Variants in PRSS56 observed in about 807,000 individuals in gnomAD.
PRSS56 encodes the protein protease, serine 56.
PRSS56 carries 55 observed loss-of-function variants against 66.8 expected under a neutral mutation model. That is an observed-to-expected ratio of 0.82 (90% CI 0.66 to 1.03). The LOEUF is 1.03. Ranked by LOEUF, PRSS56 falls within the 50% of genes least tolerant of loss-of-function variation. The pLI, the probability that PRSS56 is intolerant of heterozygous loss-of-function variation, is 0.00. For missense variants in PRSS56, 869 were observed against 837.2 expected, an observed-to-expected ratio of 1.04 and a Z score of -0.47; for synonymous variants, 409 against 387.9, an observed-to-expected ratio of 1.05 and a Z score of -0.64.
Position 232,525,473 on chromosome 2 carries a change from C to T in PRSS56, c.1779C>T (p.Leu593=), listed in dbSNP as rs1010464351. 4 of 1,511,794 alleles carry T rather than the reference C, an allele frequency of 2.6e-6. No homozygotes were observed. The highest frequency in any genetic ancestry group is 3.5e-6 in the Non-Finnish European group (4 of 1,130,892). The allele number at this position is 1,511,794 out of a possible 1,614,324, so 93.6% of individuals were successfully genotyped here. Residue 593 remains leucine, a synonymous_variant, in exon 13 of 13, where the codon CTC becomes CTT. Coordinates refer to ENST00000617714, the MANE Select transcript of PRSS56 (RefSeq NM_001195129.2). The part of the protein sequence containing the change: ...PGLERKGHHP[L]NPQVPPARQP ...TGGAGAGGAAGGGGCACCACCCACT[C>T]AACCCTCAGGTACCCCCCGCCAGGC... is the stretch of plus-strand genomic sequence containing the variant.
rs1010571231 is a variant in PRSS56, at chr2:232,521,490, C to T, written c.205+62C>T. The T allele has an allele frequency of 6.9e-5, 90 of 1,295,814 alleles. 1 individual carries two copies. The highest frequency in any genetic ancestry group is 3.1e-5 in the Non-Finnish European group (29 of 928,010). 80.3% of individuals were successfully genotyped at this position (1,295,814 alleles called of 1,614,324 possible). A position where few individuals can be genotyped will look rare whatever the true frequency, so the allele number is the denominator to read the frequency against. ...TGCCTACCCTGGGCCCATTCTGCTG[C>T]CTCTGTCCCTTCCCTTCAGTCTTCA... On this transcript the variant is annotated intron_variant, in intron 2 of 12. Transcript: ENST00000617714.
At chr2:232,525,025 C>T (rs1294737645) in intron 12 of PRSS56, among the ~76,000 whole-genome samples, 181 bp downstream of exon 12, 1 of 124,210 alleles carries the variant, frequency 8.1e-6, no homozygotes, top group Non-Finnish European at 1.6e-5. Flanking sequence ...GAGTGTGAGC[C>T]AGGCCACTGG....
intron 6 of PRSS56, 45 bp downstream of exon 6, chr2:232,522,906 G>A (rs939647699): frequency 9.0e-6 from 13 of 1,450,282 alleles, no homozygotes; most frequent in African/African-American, 4.3e-5. Flanking sequence ...AGAACTGGGG[G>A]TCCGAGGTAA....
intron 2 of PRSS56, 60 bp downstream of exon 2, chr2:232,521,488 T>C: frequency 1.5e-6 from 2 of 1,326,232 alleles, no homozygotes; most frequent in Non-Finnish European, 2.1e-6. Context: ...CCCATTCTGC[T>C]GCCTCTGTCC....
intron 1 of PRSS56, 128 bp from the exon 2 acceptor site, chr2:232,521,192 GC>G (rs1369913256): frequency 7.2e-5 from 49 of 682,784 alleles, no homozygotes; most frequent in Middle Eastern, 3.9e-4. Flanking sequence ...CGTCCCCGGG[GC>G]TCACTTGCCT....
At chr2:232,523,655 C>T in intron 8 of PRSS56, 77 bp downstream of exon 8, 2 of 1,510,538 alleles carry the variant, frequency 1.3e-6, no homozygotes, top group Non-Finnish European at 8.8e-7. Flanking sequence ...TCCACCCGGC[C>T]CATGCCCATT....
At position 232,521,438 on chromosome 2, in the gene PRSS56, C is replaced by G. The variant is rs77311538; in HGVS notation, c.205+10C>G. 2.7e-3 allele frequency: 4,192 copies of G among 1,532,842 alleles called. 185 individuals carry two copies. In the East Asian group the frequency reaches 0.089, roughly 33 times the overall value. 95.0% of individuals were successfully genotyped at this position (1,532,842 alleles called of 1,614,324 possible). The stretch of plus-strand genomic sequence containing the variant: ...TCGCACGAGTGCCGAGGTGCCCACC[C>G]TGCCCCCCGTGCCCCAGTGAGCTTG... On this transcript the variant is annotated intron_variant, in intron 2 of 12. Coordinates refer to ENST00000617714, the MANE Select transcript of PRSS56 (RefSeq NM_001195129.2).
At position 232,524,849 on chromosome 2, in the gene PRSS56, G is replaced by C. The variant is rs1170596124; in HGVS notation, c.1521+5G>C. 6.5e-7 allele frequency: 1 copy of C among 1,531,206 alleles called. No homozygotes were observed. The highest frequency in any genetic ancestry group is 1.2e-5 in the South Asian group (1 of 83,916). 94.9% of individuals were successfully genotyped at this position (1,531,206 alleles called of 1,614,324 possible). ...CTGGCCATGAACTTTCATGAGGTAG[G>C]TCCCCAGGCTTCCAGACTCCTTCAC... On this transcript the variant is annotated splice_donor_5th_base_variant and intron_variant, in intron 12 of 12. Coordinates refer to ENST00000617714, the MANE Select transcript of PRSS56 (RefSeq NM_001195129.2).
chr2:232,524,129 C>A lies in PRSS56; in HGVS notation c.1277C>A (p.Pro426His), dbSNP rs1205766177. Residue 426 changes from proline (P) to histidine (H), a missense_variant, in exon 10 of 13, where the codon CCC becomes CAC. Around this residue, in one of 3 missense-constraint regions of PRSS56, gnomAD observed 551 missense variants for 506.9 expected, o/e 1.09. Coordinates refer to ENST00000617714, the MANE Select transcript of PRSS56 (RefSeq NM_001195129.2). ...GPRPGLRRLAPALALPAPALR... is the reference protein window; with the variant it reads ...GPRPGLRRLAHALALPAPALR... ...CGTCCGGGACTGCGGCGCCTGGCCC[C>A]CGCCCTGGCTCTCCCCGCTCCAGCG... The A allele has an allele frequency of 2.0e-6, 3 of 1,511,134 alleles. No individual in the cohort carries two copies. In the South Asian group the frequency reaches 3.7e-5, roughly 19 times the overall value. The allele number at this position is 1,511,134 out of a possible 1,614,324, so 93.6% of individuals were successfully genotyped here.
chr2:232,524,106 T>C lies in PRSS56; in HGVS notation c.1254T>C (p.Arg418=), dbSNP rs1559290256. 1 of 1,517,462 alleles carries C rather than the reference T, an allele frequency of 6.6e-7. No homozygotes were observed. Among genetic ancestry groups the C allele is most frequent in the African/African-American group, 1.4e-5 (1 of 70,648 alleles). 94.0% of individuals were successfully genotyped at this position (1,517,462 alleles called of 1,614,324 possible). A position where few individuals can be genotyped will look rare whatever the true frequency, so the allele number is the denominator to read the frequency against. Residue 418 remains arginine (R), a synonymous_variant, in exon 10 of 13, where the codon CGT becomes CGC. Transcript: ENST00000617714. ...LRNAQELLGP[R]PGLRRLAPAL... The stretch of plus-strand genomic sequence containing the variant: ...ACGCGCAGGAGCTGCTCGGGCCTCG[T>C]CCGGGACTGCGGCGCCTGGCCCCCG...
rs1691322098 is a variant in PRSS56, at chr2:232,523,119, T to C, written c.766T>C (p.Cys256Arg). The C allele has an allele frequency of 1.3e-6, 2 of 1,534,790 alleles. No individual in the cohort carries two copies. The highest frequency in any genetic ancestry group is 1.7e-6 in the Non-Finnish European group (2 of 1,146,154). ...TGTTCCCCTGCTCAGCACCGACACC[T>C]GCCGAAGAGCCCTGGGGCCCGGGCT... is the stretch of plus-strand genomic sequence containing the variant. Reference protein sequence around the residue: ...ARVPLLSTDTCRRALGPGLRP... With the variant: ...ARVPLLSTDTRRRALGPGLRP... Residue 256 changes from cysteine to arginine, a missense_variant, in exon 7 of 13, where the codon TGC (cysteine) becomes CGC (arginine). Physicochemically the swap from Cys to Arg is radical, Grantham distance 180 (BLOSUM62 -3). Coordinates refer to ENST00000617714, the MANE Select transcript of PRSS56 (RefSeq NM_001195129.2).
rs2697778 is a variant in PRSS56 at position 232,520,611 on chromosome 2, G to A, written c.13G>A (p.Val5Met). The A allele has an allele frequency of 8.8e-4, 1,349 of 1,536,042 alleles. 19 individuals are homozygous for A. The East Asian group carries it at 0.03, about 34-fold the overall frequency. Residue 5 changes from valine to methionine, a missense_variant, in exon 1 of 13, where the codon GTG (valine) becomes ATG (methionine). By Grantham distance (21) the Val-to-Met change is conservative. This residue lies in a region of PRSS56 where 315 missense variants were observed against 313.7 expected (regional missense o/e 1.00). Coordinates refer to ENST00000617714, the MANE Select transcript of PRSS56 (RefSeq NM_001195129.2). ...GCTCCTGGTCACCATGCTGCTGGCT[G>A]TGCTGCTGCTGCTACCCCTCCCAAG... MLLAVLLLLPLPSSW... is the reference protein window; with the variant it reads MLLAMLLLLPLPSSW...
At position 232,523,856 on chromosome 2, in the gene PRSS56, G is replaced by A. The variant is rs1018051153; in HGVS notation, c.1097G>A (p.Cys366Tyr). The A allele has an allele frequency of 1.3e-5, 20 of 1,533,078 alleles. No homozygotes were observed. Among genetic ancestry groups the A allele is most frequent in the Non-Finnish European group, 1.6e-5 (18 of 1,145,984 alleles). 95.0% of individuals were successfully genotyped at this position (1,533,078 alleles called of 1,614,324 possible). The part of the protein sequence containing the change: ...QELQADAARL[C>Y]AFYARLCPGS... Reference sequence around the variant, plus strand: ...CTGCAGGCAGACGCCGCCCGGCTCTGCGCCTTCTATGCCCGCCTGTGCCCG... The same window carrying A: ...CTGCAGGCAGACGCCGCCCGGCTCTACGCCTTCTATGCCCGCCTGTGCCCG... The change falls in exon 9 of 13, where the codon TGC (cysteine) becomes TAC (tyrosine). Residue 366 changes from cysteine (C) to tyrosine (Y), a missense_variant. By Grantham distance (194) the Cys-to-Tyr change is radical. This residue lies in a region of PRSS56 where 551 missense variants were observed against 506.9 expected (regional missense o/e 1.09). Coordinates refer to ENST00000617714, the MANE Select transcript of PRSS56 (RefSeq NM_001195129.2).
At chr2:232,524,280 C>T in intron 10 of PRSS56, 27 bp from the exon 11 acceptor site, 1 of 1,535,492 alleles carries the variant, frequency 6.5e-7, no homozygotes, top group Non-Finnish European at 8.7e-7. Flanking sequence ...TCCGCCGAGG[C>T]GGTACCCTAA....
At chr2:232,520,725 G>C in intron 1 of PRSS56, 30 bp downstream of exon 1, 1 of 1,447,848 alleles carries the variant, frequency 6.9e-7, no homozygotes, top group Non-Finnish European at 9.3e-7. Context: ...AGAGCCGCGG[G>C]GTTGGGAGGA....
Position 232,525,089 on chromosome 2 carries a change from G to A in PRSS56, c.1522-127G>A, listed in dbSNP as rs1037542646. 5.3e-5 allele frequency: 53 copies of A among 997,890 alleles called. No individual in the cohort carries two copies. In the Admixed American group the frequency reaches 8.8e-4, roughly 17 times the overall value. 61.8% of individuals were successfully genotyped at this position (997,890 alleles called of 1,614,324 possible). ...GGTGGGTGGGAGTGTCCACATGAGC[G>A]GGAAATGAGCAGGGTTTCCAGGTCT... On this transcript the variant is annotated intron_variant, in intron 12 of 12. Transcript: ENST00000617714.
At chr2:232,520,736 A>T in intron 1 of PRSS56, 41 bp downstream of exon 1, 1 of 1,373,620 alleles carries the variant, frequency 7.3e-7, no homozygotes, top group Non-Finnish European at 9.9e-7. Flanking sequence ...GTTGGGAGGA[A>T]TGTAGAGGAA....
Position 232,523,417 on chromosome 2 carries a change from G to A in PRSS56, c.851G>A (p.Gly284Asp). The change falls in exon 8 of 13, where the codon GGT becomes GAT. Residue 284 changes from glycine (G) to aspartate (D), a missense_variant and splice_region_variant. By Grantham distance (94) the Gly-to-Asp change is moderately conservative. This residue lies in a region of PRSS56 where 551 missense variants were observed against 506.9 expected (regional missense o/e 1.09). Transcript: ENST00000617714. ...GCGTCCTCTCTCTTGGCCCCGCAGG[G>A]TGACTCGGGAGGCCCCCTGACCTGT... The part of the protein sequence containing the change: ...YLAGGVDSCQ[G>D]DSGGPLTCSE... The A allele has an allele frequency of 6.9e-7, 1 of 1,442,750 alleles. No homozygotes were observed. Among genetic ancestry groups the A allele is most frequent in the Non-Finnish European group, 9.1e-7 (1 of 1,101,100 alleles). 89.4% of individuals were successfully genotyped at this position (1,442,750 alleles called of 1,614,324 possible).
At chr2:232,523,285 C>T (rs1349310728) in intron 7 of PRSS56, 83 bp downstream of exon 7, 2 of 1,421,056 alleles carry the variant, frequency 1.4e-6, no homozygotes, top group Non-Finnish European at 1.8e-6. Flanking sequence ...GTCTGTCTGT[C>T]ACTCGACTTC....
Sources: gnomAD v4.1 joint callset for allele counts (sites outside exome capture counted in the v4.1 genomes callset) on GRCh38, gnomAD v4.1.1 for gene constraint, gnomAD v4.1.1 regional missense constraint, MANE v1.5 for transcripts, NCBI Gene and HGNC (gene_info 2026-07-23, HGNC 2026-07-21) for gene names.